The following CUBN variants were observed in gnomAD, a reference collection of about 807,000 sequenced individuals.
CUBN encodes 460 kDa receptor.
A neutral mutation model predicts 405.3 loss-of-function variants in CUBN; 282 were observed. That is an observed-to-expected ratio of 0.70 (90% CI 0.63 to 0.77). CUBN has a LOEUF of 0.77. Ranked by LOEUF, CUBN falls within the 30% of genes least tolerant of loss-of-function variation. The pLI, the probability that CUBN is intolerant of heterozygous loss-of-function variation, is 0.00. For synonymous variants in CUBN, 1,684 were observed against 1,617.0 expected (o/e 1.04, Z -0.99); for missense variants, 4,514 against 4,475.2 (o/e 1.01, Z -0.25).
chr10:16,927,893 C>CT (rs1842237485), intron 41 of CUBN, among the ~76,000 whole-genome samples: 1 of 152,178 alleles, frequency 6.6e-6, no homozygotes, highest in East Asian at 1.9e-4. Context: ...CATGCATTCC[C>CT]TGGACACACC....
At chr10:16,946,095 C>T (rs1212011352) in intron 36 of CUBN, among the ~76,000 whole-genome samples, 1 of 152,194 alleles carries the variant, frequency 6.6e-6, no homozygotes, top group Non-Finnish European at 1.5e-5. Flanking sequence ...CTTATATTCG[C>T]TTCAAAACAG....
intron 14 of CUBN, among the ~76,000 whole-genome samples, chr10:17,092,594 C>T (rs1171780700): frequency 2.0e-5 from 3 of 152,130 alleles, no homozygotes; most frequent in African/African-American, 7.2e-5. Flanking sequence ...TCTGGTCGTC[C>T]TCACTGCTCA....
In CUBN at chr10:17,005,825, A is replaced by G. The variant is rs557501146; in HGVS notation, c.4168+14008T>C. Among the ~76,000 whole-genome samples, 171 of 152,314 alleles carry G rather than the reference A, an allele frequency of 1.1e-3. 1 individual carries two copies. The highest frequency in any genetic ancestry group is 1.4e-3 in the Admixed American group (22 of 15,304). Reference sequence around the variant, plus strand: ...GCCAAAATTCATATGTTGAAGTTCTAACTCCCAGACCTCAGAATGTGACTG... The same window carrying G: ...GCCAAAATTCATATGTTGAAGTTCTGACTCCCAGACCTCAGAATGTGACTG... On this transcript the variant is annotated intron_variant, in intron 28 of 66. Coordinates refer to ENST00000377833, the MANE Select transcript of CUBN (RefSeq NM_001081.4).
chr10:16,964,500 G>A (rs1843331682), intron 31 of CUBN, among the ~76,000 whole-genome samples: 1 of 151,906 alleles, frequency 6.6e-6, no homozygotes, highest in Admixed American at 6.6e-5. Flanking sequence ...TGTTTGTGAG[G>A]GAAATAAACC....
In CUBN at chr10:16,875,425, C is replaced by T. The variant is rs756975276; in HGVS notation, c.9107-922G>A. ...TTTTGAAGTATTTCCATGGTTTATA[C>T]ACTATCAGTGGACACGTTCCACTTT... is the stretch of plus-strand genomic sequence containing the variant. On this transcript the variant is annotated intron_variant, in intron 57 of 66. Transcript: ENST00000377833. Among the ~76,000 whole-genome samples the T allele has an allele frequency of 4.7e-4, 72 of 152,122 alleles. 2 individuals are homozygous for T. Among genetic ancestry groups the T allele is most frequent in the Admixed American group, 2.0e-3 (30 of 15,266 alleles).
chr10:16,888,268 A>C, intron 56 of CUBN, 149 bp downstream of exon 56: 1 of 666,072 alleles, frequency 1.5e-6, no homozygotes, highest in Admixed American at 2.6e-5. Flanking sequence ...TCCCCACAAA[A>C]AGTGCTAAGT....
chr10:16,856,984 T>A (rs1564388695), intron 59 of CUBN, among the ~76,000 whole-genome samples: 1 of 152,232 alleles, frequency 6.6e-6, no homozygotes, highest in Non-Finnish European at 1.5e-5. Flanking sequence ...TCAGCCTTAC[T>A]GTAATTTATA....
intron 54 of CUBN, among the ~76,000 whole-genome samples, chr10:16,891,923 A>C (rs564507216): frequency 1.6e-3 from 250 of 152,264 alleles, no homozygotes; most frequent in African/African-American, 5.8e-3. Flanking sequence ...CTATCAACAG[A>C]CAACTATCTC....
At chr10:16,906,653 C>T (rs949887508) in intron 49 of CUBN, among the ~76,000 whole-genome samples, 13 of 152,094 alleles carry the variant, frequency 8.5e-5, no homozygotes, top group Admixed American at 1.3e-4. Context: ...AAGTGGTGGG[C>T]GTTTGGCTCT....
chr10:17,059,333 T>TATC (rs1431895150), intron 22 of CUBN, among the ~76,000 whole-genome samples: 2 of 152,084 alleles, frequency 1.3e-5, no homozygotes, highest in Non-Finnish European at 2.9e-5. Context: ...GCAACAATGA[T>TATC]ATCAGTCCCA....
chr10:16,846,646 T>C (rs1416629920), intron 60 of CUBN, among the ~76,000 whole-genome samples: 1 of 151,934 alleles, frequency 6.6e-6, no homozygotes, highest in East Asian at 1.9e-4. Context: ...ACCCCGTCTC[T>C]ACTAAAAATA....
At chr10:17,020,213 C>T (rs1023754018) in intron 27 of CUBN, among the ~76,000 whole-genome samples, 1 of 152,148 alleles carries the variant, frequency 6.6e-6, no homozygotes, top group Admixed American at 6.5e-5. Flanking sequence ...GGAAACCCAA[C>T]TAGTAACTTT....
At chr10:16,965,447 T>C (rs1462071535) in intron 31 of CUBN, among the ~76,000 whole-genome samples, 1 of 152,164 alleles carries the variant, frequency 6.6e-6, no homozygotes, top group Non-Finnish European at 1.5e-5. Flanking sequence ...CTCTCTGCTG[T>C]AATCAAAACC....
chr10:16,874,406 G>C lies in CUBN; in HGVS notation c.9204C>G (p.Ile3068Met), dbSNP rs117755237. 3.1e-6 allele frequency: 5 copies of C among 1,614,136 alleles called. No individual in the cohort carries two copies. Among genetic ancestry groups the C allele is most frequent in the Non-Finnish European group, 4.2e-6 (5 of 1,179,950 alleles). Residue 3068 changes from isoleucine to methionine, a missense_variant, in exon 58 of 67, where the codon ATC becomes ATG. Ile to Met is a conservative substitution (Grantham distance 10). Around this residue, in one of 5 missense-constraint regions of CUBN, gnomAD observed 1,186 missense variants for 1,186.9 expected, o/e 1.00. Transcript: ENST00000377833. ...CGATCACCTTGTCGTCACTAACGGT[G>C]ATGGTATACAGACAGTGCATATCAT... ...YPNDMHCLYTITVSDDKVIEL... is the reference protein window; with the variant it reads ...YPNDMHCLYTMTVSDDKVIEL...
intron 17 of CUBN, among the ~76,000 whole-genome samples, chr10:17,076,714 CA>C (rs1835863317): frequency 6.6e-6 from 1 of 152,128 alleles, no homozygotes. Flanking sequence ...AGTGATACAC[CA>C]ATTTCCACAT....
At chr10:17,127,465 G>T (rs1043517642) in intron 3 of CUBN, among the ~76,000 whole-genome samples, 1 of 142,318 alleles carries the variant, frequency 7.0e-6, no homozygotes, top group Admixed American at 7.1e-5. Flanking sequence ...GGTAGAGACG[G>T]AGTCTCACTA....
rs703074 is a variant in CUBN, at chr10:16,869,568, C to T, written c.9454+68G>A. On this transcript the variant is annotated intron_variant, in intron 59 of 66. Coordinates refer to ENST00000377833, the MANE Select transcript of CUBN (RefSeq NM_001081.4). Reference sequence around the variant, plus strand: ...TAATCAGGTGGGGGTGGGGGGGGGGCGGGGAAATTAAATAAAGCAGAAAGG... The same window carrying T: ...TAATCAGGTGGGGGTGGGGGGGGGGTGGGGAAATTAAATAAAGCAGAAAGG... 0.27 allele frequency: 247,813 copies of T among 934,070 alleles called. 30,563 individuals are homozygous for T. The highest frequency in any genetic ancestry group is 0.42 in the East Asian group (16,716 of 39,554). The allele number at this position is 934,070 out of a possible 1,614,324, so 57.9% of individuals were successfully genotyped here. A position where few individuals can be genotyped will look rare whatever the true frequency, so the allele number is the denominator to read the frequency against.
intron 22 of CUBN, among the ~76,000 whole-genome samples, chr10:17,055,312 C>T (rs1467809119): frequency 3.9e-5 from 6 of 152,060 alleles, no homozygotes. Flanking sequence ...TAACATCATA[C>T]TTAAGTGGTA....
At position 16,938,483 on chromosome 10, in the gene CUBN, T is replaced by C. The variant is rs541776268; in HGVS notation, c.5733+480A>G. The stretch of plus-strand genomic sequence containing the variant: ...GGCACCCATCAGGCACTGGGATCTA[T>C]TCATGACCAAGAATCCAAGATGAAT... On this transcript the variant is annotated intron_variant, in intron 38 of 66. Coordinates refer to ENST00000377833, the MANE Select transcript of CUBN (RefSeq NM_001081.4). Among the ~76,000 whole-genome samples, 8 of 152,308 alleles carry C rather than the reference T, an allele frequency of 5.3e-5. No homozygotes were observed. In the East Asian group the frequency reaches 1.5e-3, roughly 29 times the overall value.
Sources: gnomAD v4.1 joint callset for allele counts (sites outside exome capture counted in the v4.1 genomes callset) on GRCh38, gnomAD v4.1.1 for gene constraint, gnomAD v4.1.1 regional missense constraint, MANE v1.5 for transcripts, NCBI Gene and HGNC (gene_info 2026-07-23, HGNC 2026-07-21) for gene names.